The following DPYD variants were observed in gnomAD, a reference collection of about 807,000 sequenced individuals.
DPYD encodes the protein dihydropyrimidine dehydrogenase [NADP(+)].
In DPYD, 109 loss-of-function variants were observed where a neutral mutation model predicts 116.2. That is an observed-to-expected ratio of 0.94 (90% CI 0.80 to 1.10). The LOEUF (loss-of-function observed/expected upper bound fraction) is 1.10. DPYD is among the 50% of genes least tolerant of loss of function. DPYD has a pLI of 0.00. For missense variants in DPYD, 1,302 were observed against 1,254.5 expected, an observed-to-expected ratio of 1.04 and a Z score of -0.57; for synonymous variants, 440 against 432.0, an observed-to-expected ratio of 1.02 and a Z score of -0.23.
chr1:97,860,386 G>T (rs1671057824), intron 2 of DPYD, among the ~76,000 whole-genome samples: 1 of 152,030 alleles, frequency 6.6e-6, no homozygotes, highest in Admixed American at 6.6e-5. Flanking sequence ...AACCATATTT[G>T]TACTAAAAAG....
intron 2 of DPYD, among the ~76,000 whole-genome samples, chr1:97,852,522 T>A (rs1464681357): frequency 1.3e-5 from 2 of 152,178 alleles, no homozygotes; most frequent in African/African-American, 2.4e-5. Context: ...TAATTCTTAT[T>A]GTATTAATGA....
chr1:97,822,127 C>T (rs10875108), intron 3 of DPYD, among the ~76,000 whole-genome samples: 120,435 of 150,860 alleles, frequency 0.8, 48,175 homozygotes, highest in East Asian at 0.98. Flanking sequence ...ATTATCTTTA[C>T]GCCAACCAGC....
chr1:97,371,812 T>C (rs775820649), intron 16 of DPYD, among the ~76,000 whole-genome samples: 28 of 152,194 alleles, frequency 1.8e-4, no homozygotes, highest in Non-Finnish European at 3.4e-4. Context: ...TTGGTTTCAG[T>C]TGTAGAGATT....
At position 97,098,577 on chromosome 1, in the gene DPYD, T is replaced by C. The variant is rs188052243; in HGVS notation, c.2678A>G (p.Asn893Ser). Residue 893 changes from asparagine (N) to serine (S), a missense_variant, in exon 21 of 23, where the codon AAC (asparagine) becomes AGC (serine). Physicochemically the swap from Asn to Ser is conservative, Grantham distance 46 (BLOSUM62 1). Coordinates refer to ENST00000370192, the MANE Select transcript of DPYD (RefSeq NM_000110.4). ...LEQRKKIIAE[N>S]KIRLKEQNVA... ...ATTTTGTTCTTTCAGTCTAATCTTG[T>C]TTTCTGCTATGATTTTCTTGCGCTG... The C allele has an allele frequency of 3.7e-5, 59 of 1,613,222 alleles. No homozygotes were observed. In the East Asian group the frequency reaches 1.3e-3, roughly 35 times the overall value.
chr1:97,801,764 C>A (rs923328529), intron 3 of DPYD, among the ~76,000 whole-genome samples: 14 of 151,808 alleles, frequency 9.2e-5, no homozygotes, highest in Non-Finnish European at 1.9e-4. Flanking sequence ...TTCTGTGAAA[C>A]TGTTTTATGG....
chr1:97,441,401 T>C (rs1363369830), intron 14 of DPYD, among the ~76,000 whole-genome samples: 1 of 152,176 alleles, frequency 6.6e-6, no homozygotes, highest in Admixed American at 6.5e-5. Flanking sequence ...TTTCTCTGTT[T>C]GCGTGTGTGT....
chr1:97,602,246 T>C (rs74727777), intron 8 of DPYD, among the ~76,000 whole-genome samples: 1,994 of 152,064 alleles, frequency 0.013, 23 homozygotes, highest in Middle Eastern at 0.024. Context: ...AATAAAATAA[T>C]CAAATAATTT....
At chr1:97,571,225 G>C (rs1652872753) in intron 11 of DPYD, among the ~76,000 whole-genome samples, 1 of 151,916 alleles carries the variant, frequency 6.6e-6, no homozygotes, top group African/African-American at 2.4e-5. Context: ...GCTTGGAAAG[G>C]AATAGTTAAA....
At chr1:97,245,696 G>T (rs2100789635) in intron 18 of DPYD, among the ~76,000 whole-genome samples, 1 of 152,200 alleles carries the variant, frequency 6.6e-6, no homozygotes, top group Middle Eastern at 3.4e-3. Context: ...TAACAAGTGG[G>T]CATTATTCTG....
chr1:97,232,076 T>A (rs570253165), intron 19 of DPYD, among the ~76,000 whole-genome samples: 2 of 152,346 alleles, frequency 1.3e-5, no homozygotes, highest in South Asian at 4.1e-4. Flanking sequence ...GAAAAAGCTT[T>A]CTTTAGCCAT....
intron 16 of DPYD, among the ~76,000 whole-genome samples, chr1:97,352,656 G>GTTTGATTTTT (rs1670211214): frequency 6.6e-6 from 1 of 151,728 alleles, no homozygotes; most frequent in African/African-American, 2.4e-5. Flanking sequence ...TACTCTGGTT[G>GTTTGATTTTT]TTTGATTTTT....
intron 16 of DPYD, among the ~76,000 whole-genome samples, chr1:97,370,795 G>T (rs1407237107): frequency 1.3e-5 from 2 of 152,128 alleles, no homozygotes; most frequent in Non-Finnish European, 2.9e-5. Context: ...AGAGCAAGTG[G>T]CTTGATAAAG....
chr1:97,720,208 A>C, intron 5 of DPYD: 1 of 984,778 alleles, frequency 1.0e-6, no homozygotes, highest in Non-Finnish European at 1.2e-6. Flanking sequence ...ACCTCTCATG[A>C]CCAGATCAAT....
chr1:97,863,275 C>T (rs1180900197), intron 2 of DPYD, among the ~76,000 whole-genome samples: 88 of 151,814 alleles, frequency 5.8e-4, no homozygotes, highest in Non-Finnish European at 1.0e-4. Context: ...CACATAACAG[C>T]ATTTATATCT....
intron 18 of DPYD, among the ~76,000 whole-genome samples, chr1:97,239,846 C>T (rs1437939878): frequency 6.6e-6 from 1 of 151,922 alleles, no homozygotes; most frequent in African/African-American, 2.4e-5. Flanking sequence ...ATTGTAATAA[C>T]GTCTTCATAG....
chr1:97,753,868 A>G (rs1055266357), intron 3 of DPYD, among the ~76,000 whole-genome samples: 2 of 152,130 alleles, frequency 1.3e-5, no homozygotes, highest in African/African-American at 4.8e-5. Flanking sequence ...TAACTTATAT[A>G]ACTTTGACTC....
chr1:97,491,173 T>C (rs1322489468), intron 13 of DPYD, among the ~76,000 whole-genome samples: 2 of 147,748 alleles, frequency 1.4e-5, no homozygotes, highest in African/African-American at 4.9e-5. Flanking sequence ...ATATACATTA[T>C]TCGTAGTATA....
chr1:97,919,202 A>C (rs1438365269), intron 1 of DPYD, among the ~76,000 whole-genome samples: 6 of 152,246 alleles, frequency 3.9e-5, no homozygotes, highest in African/African-American at 1.4e-4. Flanking sequence ...TTACTGATTA[A>C]AGTGTTGCAC....
chr1:97,602,247 CA>C (rs1655296950), intron 8 of DPYD, among the ~76,000 whole-genome samples: 1 of 151,844 alleles, frequency 6.6e-6, no homozygotes. Context: ...ATAAAATAAT[CA>C]AATAATTTTT....
Sources: gnomAD v4.1 joint callset for allele counts (sites outside exome capture counted in the v4.1 genomes callset) on GRCh38, gnomAD v4.1.1 for gene constraint, MANE v1.5 for transcripts, NCBI Gene and HGNC (gene_info 2026-07-23, HGNC 2026-07-21) for gene names.